Variants in ATP2B3 observed in about 807,000 individuals in gnomAD.
ATP2B3 encodes ATPase plasma membrane Ca2+ transporting 3.
A neutral mutation model predicts 70.8 loss-of-function variants in ATP2B3; 12 were observed. The ratio of observed to expected loss-of-function variants is 0.17; its 90% CI spans 0.11 to 0.27. The LOEUF (loss-of-function observed/expected upper bound fraction) is 0.27, where lower values mean the gene tolerates loss of function less well. ATP2B3 is among the 10% of genes least tolerant of loss of function. The pLI is 1.00. For synonymous variants in ATP2B3, 460 were observed against 497.8 expected, an observed-to-expected ratio of 0.92 and a Z score of 1.01; for missense variants, 858 against 1,118.5, an observed-to-expected ratio of 0.77 and a Z score of 3.32.
chrX:153,562,927 C>T (rs1461112510), intron 20 of ATP2B3, among the ~76,000 whole-genome samples: 1 of 111,755 alleles, frequency 8.9e-6, no homozygotes, highest in African/African-American at 3.3e-5. Flanking sequence ...CAGCCGCCTC[C>T]TCACTCTGTG....
rs1557017544 is a variant in ATP2B3, at chrX:153,564,905, C to T, written c.3160-16C>T. On this transcript the variant is annotated splice_polypyrimidine_tract_variant and intron_variant, in intron 20 of 21. Transcript: ENST00000263519. ...TCAGCCTGGCTCTCACGGCCACTTC[C>T]GTGTGGCTCCCCCAGGTCATTGCCA... The T allele has an allele frequency of 1.0e-5, 12 of 1,167,316 alleles. No homozygotes were observed. Among genetic ancestry groups the T allele is most frequent in the East Asian group, 3.1e-5 (1 of 31,995 alleles).
chrX:153,574,196 T>C, intron 21 of ATP2B3, among the ~76,000 whole-genome samples: 1 of 112,621 alleles, frequency 8.9e-6, no homozygotes, highest in Non-Finnish European at 1.9e-5. Context: ...CACAGGCTCT[T>C]GAGGACACCT....
In ATP2B3 at chrX:153,549,483, C is replaced by T. The variant is rs782298571; in HGVS notation, c.1339-14C>T. 5 of 1,210,143 alleles carry T rather than the reference C, an allele frequency of 4.1e-6. No homozygotes were observed. The highest frequency in any genetic ancestry group is 1.7e-5 in the African/African-American group (1 of 57,317). ...AGCACCTGGGCCAAATGCCCACACC[C>T]TCGCCCTTTGCAGAAAATGATGAAA... On this transcript the variant is annotated splice_polypyrimidine_tract_variant and intron_variant, in intron 10 of 21. Coordinates refer to ENST00000263519, the MANE Select transcript of ATP2B3 (RefSeq NM_001001344.3).
rs781825049 is a variant in ATP2B3 at position 153,543,422 on chromosome X, G to T, written c.916+254G>T. On this transcript the variant is annotated intron_variant, in intron 7 of 21. Coordinates refer to ENST00000263519, the MANE Select transcript of ATP2B3 (RefSeq NM_001001344.3). ...TGAGACCACCATCCCCAAAGGCTCC[G>T]GGATCCCATACCTACCTGGACAGGA... 4.4e-5 allele frequency among the ~76,000 whole-genome samples: 5 copies of T among 112,977 alleles called. No homozygotes were observed. In the Admixed American group the frequency reaches 4.6e-4, roughly 10 times the overall value.
At position 153,536,343 on chromosome X, in the gene ATP2B3, G is replaced by T. The variant is rs202115287; in HGVS notation, c.96G>T (p.Ala32=). The change falls in exon 3 of 22, where the codon GCG becomes GCT. Residue 32 remains alanine (A), a synonymous_variant. Transcript: ENST00000263519. ...CTGGAGGCTTTGGGTGCACGCTGGC[G>T]GAGCTGCGCACCCTCATGGAGCTGC... ...PQAGGFGCTL[A]ELRTLMELRG... The T allele has an allele frequency of 1.7e-6, 2 of 1,199,571 alleles. No homozygotes were observed. Among genetic ancestry groups the T allele is most frequent in the Non-Finnish European group, 2.2e-6 (2 of 890,091 alleles).
chrX:153,530,292 T>C (rs2124346985), intron 2 of ATP2B3, among the ~76,000 whole-genome samples: 1 of 112,313 alleles, frequency 8.9e-6, no homozygotes, highest in South Asian at 3.7e-4. Context: ...CGCTTCTGAA[T>C]GGGAAGCTCT....
chrX:153,580,159 C>G lies in ATP2B3; in HGVS notation c.3524C>G (p.Pro1175Arg). The change falls in exon 22 of 22, where the codon CCG becomes CGG. Residue 1175 changes from proline (P) to arginine (R), a missense_variant. Physicochemically the swap from Pro to Arg is moderately radical, Grantham distance 103. Transcript: ENST00000263519. Reference protein sequence around the residue: ...DENEERLRAPPPPSPNQNNNA... With the variant: ...DENEERLRAPRPPSPNQNNNA... ...AACGAGGAGCGCCTCCGGGCCCCCC[C>G]GCCCCCGTCCCCCAACCAGAACAAC... is the stretch of plus-strand genomic sequence containing the variant. 1 of 1,204,880 alleles carries G rather than the reference C, an allele frequency of 8.3e-7. No homozygotes were observed.
chrX:153,554,760 C>T (rs905227011), intron 13 of ATP2B3, among the ~76,000 whole-genome samples: 10 of 112,493 alleles, frequency 8.9e-5, no homozygotes, highest in Non-Finnish European at 1.1e-4. Flanking sequence ...CTGGGCCGGC[C>T]GGGGGCACTG....
chrX:153,528,320 C>T (rs1389394204), intron 2 of ATP2B3, among the ~76,000 whole-genome samples: 1 of 112,169 alleles, frequency 8.9e-6, no homozygotes, highest in Non-Finnish European at 1.9e-5. Flanking sequence ...GTGCCTGAGC[C>T]GCATGTGCTC....
intron 3 of ATP2B3, among the ~76,000 whole-genome samples, chrX:153,538,446 T>C (rs781985693): frequency 2.7e-5 from 3 of 112,850 alleles, no homozygotes; most frequent in Non-Finnish European, 5.6e-5. Flanking sequence ...TCCAAGAGGA[T>C]TCCAGAACCC....
At chrX:153,543,271 A>G (rs953945633) in intron 7 of ATP2B3, 103 bp downstream of exon 7, 225 of 1,039,721 alleles carry the variant, frequency 2.2e-4, no homozygotes, top group Non-Finnish European at 2.7e-4. Flanking sequence ...AGGGAGAGCC[A>G]GCCCAAGTGG....
In ATP2B3 at chrX:153,580,910, C is replaced by T. The variant is rs1198541761; in HGVS notation, c.*612C>T. 2.6e-5 allele frequency: 3 copies of T among 113,333 alleles called. No individual in the cohort carries two copies. Among genetic ancestry groups the T allele is most frequent in the African/African-American group, 9.7e-5 (3 of 30,849 alleles). The allele number at this position is 113,333 out of a possible 1,213,427, so 9.3% of individuals were successfully genotyped here. ...AAAAACTAGGCACATCCGCAGTGCG[C>T]ATGTGTGTGCGTGCATGCACATATG... is the stretch of plus-strand genomic sequence containing the variant. On this transcript the variant is annotated 3_prime_UTR_variant, in exon 22 of 22. Coordinates refer to ENST00000263519, the MANE Select transcript of ATP2B3 (RefSeq NM_001001344.3).
rs1214261044 is a variant in ATP2B3, at chrX:153,517,680, C to A, written c.-442C>A. On this transcript the variant is annotated 5_prime_UTR_variant, in exon 1 of 22. Transcript: ENST00000263519. ...GAGCCGAGCGCGCCGCGTCGCCCGCCGCCGGTGCAGAGCGTGGGGAGCACT... is the reference window on the plus strand; with the variant it reads ...GAGCCGAGCGCGCCGCGTCGCCCGCAGCCGGTGCAGAGCGTGGGGAGCACT... 9.3e-6 allele frequency: 1 copy of A among 108,072 alleles called. No individual in the cohort carries two copies. Among genetic ancestry groups the A allele is most frequent in the Non-Finnish European group, 1.9e-5 (1 of 51,397 alleles). The allele number at this position is 108,072 out of a possible 1,213,427, so 8.9% of individuals were successfully genotyped here.
In ATP2B3 at chrX:153,548,753, T is replaced by C; in HGVS notation, c.1237T>C (p.Tyr413His). ...AGAGTGCACGCCGGTCTATGTACAA[T>C]ACTTCGTGAAGTTCTTCATCATTGG... The part of the protein sequence containing the change: ...LAECTPVYVQ[Y>H]FVKFFIIGVT... Residue 413 changes from tyrosine to histidine, a missense_variant, in exon 10 of 22, where the codon TAC becomes CAC. Physicochemically the swap from Tyr to His is moderately conservative, Grantham distance 83 (BLOSUM62 2). Coordinates refer to ENST00000263519, the MANE Select transcript of ATP2B3 (RefSeq NM_001001344.3). 2 of 1,211,806 alleles carry C rather than the reference T, an allele frequency of 1.7e-6. No individual in the cohort carries two copies. Among genetic ancestry groups the C allele is most frequent in the Non-Finnish European group, 2.2e-6 (2 of 895,534 alleles).
intron 2 of ATP2B3, among the ~76,000 whole-genome samples, chrX:153,530,743 A>C (rs2090103768): frequency 9.4e-6 from 1 of 106,533 alleles, no homozygotes; most frequent in Admixed American, 9.8e-5. Flanking sequence ...TGTTCCAGGC[A>C]TGAGAGCCAC....
chrX:153,553,346 C>G (rs1176367584), intron 13 of ATP2B3, 77 bp downstream of exon 13: 1 of 902,104 alleles, frequency 1.1e-6, no homozygotes, highest in African/African-American at 1.9e-5. Flanking sequence ...GTAGGGGCGG[C>G]CTTCCTTCAC....
At chrX:153,539,363 G>T (rs1025889024) in intron 3 of ATP2B3, among the ~76,000 whole-genome samples, 1 of 112,927 alleles carries the variant, frequency 8.9e-6, no homozygotes, top group African/African-American at 3.2e-5. Flanking sequence ...GGACAGCTGC[G>T]GCTCTTCTGG....
intron 13 of ATP2B3, 33 bp from the exon 14 acceptor site, chrX:153,556,016 G>A (rs781807146): frequency 1.2e-5 from 14 of 1,210,418 alleles, no homozygotes; most frequent in African/African-American, 1.7e-5. Flanking sequence ...GTCTTGCCTC[G>A]ATGGCCCCGC....
intron 21 of ATP2B3, chrX:153,569,948 A>G (rs2090764274): frequency 2.1e-6 from 1 of 469,135 alleles, no homozygotes; most frequent in Non-Finnish European, 3.5e-6. Flanking sequence ...TATGAAACGT[A>G]TTCAACCCAT....
Sources: gnomAD v4.1 joint callset for allele counts (sites outside exome capture counted in the v4.1 genomes callset) on GRCh38, gnomAD v4.1.1 for gene constraint, MANE v1.5 for transcripts, NCBI Gene and HGNC (gene_info 2026-07-23, HGNC 2026-07-21) for gene names.